TBC1D1: variants seen among roughly 807,000 people sequenced by gnomAD.
TBC1D1 encodes the protein TBC1 domain family member 1.
Under a neutral mutation model 125.6 loss-of-function variants are expected in TBC1D1, and 89 were observed. The observed-to-expected ratio is 0.71, with a 90% CI of 0.60 to 0.85. TBC1D1 has a LOEUF of 0.85. Ranked by LOEUF, TBC1D1 falls within the 40% of genes least tolerant of loss-of-function variation. TBC1D1 has a pLI of 0.00. For missense variants in TBC1D1, 1,377 were observed against 1,469.2 expected (o/e 0.94, Z 1.03); for synonymous variants, 565 against 564.1 (o/e 1.00, Z -0.02).
intron 2 of TBC1D1, among the ~76,000 whole-genome samples, chr4:37,913,691 C>T (rs974505704): frequency 2.7e-5 from 4 of 150,736 alleles, no homozygotes; most frequent in African/African-American, 7.3e-5. Flanking sequence ...TATCACCCTC[C>T]GATGACCCCA....
chr4:38,051,600 C>T (rs191387467), intron 11 of TBC1D1, among the ~76,000 whole-genome samples: 19 of 152,002 alleles, frequency 1.2e-4, no homozygotes, highest in African/African-American at 4.1e-4. Flanking sequence ...ATCGTGCTAC[C>T]GCACTCCAGC....
chr4:37,959,385 A>G (rs1216446943), intron 2 of TBC1D1, among the ~76,000 whole-genome samples: 1 of 152,190 alleles, frequency 6.6e-6, no homozygotes, highest in Non-Finnish European at 1.5e-5. Flanking sequence ...TGCATTATTC[A>G]TTAAGTAGAA....
intron 12 of TBC1D1, among the ~76,000 whole-genome samples, chr4:38,068,829 G>A (rs1171627548): frequency 6.6e-6 from 1 of 152,194 alleles, no homozygotes; most frequent in Non-Finnish European, 1.5e-5. Context: ...ATCCCAGAAA[G>A]TTCTCTTGGA....
chr4:37,995,824 G>A lies in TBC1D1; in HGVS notation c.418-18685G>A, dbSNP rs548169376. 8.6e-5 allele frequency: 48 copies of A among 558,546 alleles called. No homozygotes were observed. Among genetic ancestry groups the A allele is most frequent in the Non-Finnish European group, 1.5e-4 (41 of 280,488 alleles). The allele number at this position is 558,546 out of a possible 1,614,324, so 34.6% of individuals were successfully genotyped here. On this transcript the variant is annotated intron_variant, in intron 2 of 19. Transcript: ENST00000261439. The surrounding 1 kb of genome is among the most constrained non-coding windows in gnomAD (Gnocchi z 4.3). ...AAATCATTTGCATCCTCAGTCTTGG[G>A]GATCAGGTGCTGGATCCATGTGATC...
intron 2 of TBC1D1, among the ~76,000 whole-genome samples, chr4:37,923,542 G>A (rs1039763300): frequency 1.3e-5 from 2 of 152,116 alleles, no homozygotes; most frequent in Non-Finnish European, 2.9e-5. Flanking sequence ...ATTGGAGCTG[G>A]AAGTCTCCCT....
At chr4:37,926,165 G>A (rs1722070942) in intron 2 of TBC1D1, among the ~76,000 whole-genome samples, 1 of 152,226 alleles carries the variant, frequency 6.6e-6, no homozygotes, top group Non-Finnish European at 1.5e-5. Context: ...TATACAGGAA[G>A]ACCTTTCTAG....
At chr4:38,119,998 C>G (rs1763589274) in intron 17 of TBC1D1, 1 of 985,264 alleles carries the variant, frequency 1.0e-6, no homozygotes, top group Non-Finnish European at 1.2e-6. Context: ...AAGACGTTAA[C>G]AAACAAGCAG....
intron 1 of TBC1D1, among the ~76,000 whole-genome samples, chr4:37,897,975 C>T (rs1019064324): frequency 6.6e-6 from 1 of 152,138 alleles, no homozygotes; most frequent in Non-Finnish European, 1.5e-5. Context: ...TCATGAAATG[C>T]CTGAGCTGTA....
intron 15 of TBC1D1, among the ~76,000 whole-genome samples, chr4:38,106,225 C>G (rs1335994004): frequency 6.6e-6 from 1 of 152,156 alleles, no homozygotes; most frequent in African/African-American, 2.4e-5. Context: ...TCTCATGGGC[C>G]CTCACAACAG....
intron 10 of TBC1D1, among the ~76,000 whole-genome samples, chr4:38,049,281 C>T (rs1276207211): frequency 1.3e-5 from 2 of 152,160 alleles, no homozygotes; most frequent in Non-Finnish European, 2.9e-5. Flanking sequence ...CTCCAGCACT[C>T]ACACCCCTTA....
chr4:37,941,883 G>A (rs1209399484), intron 2 of TBC1D1, among the ~76,000 whole-genome samples: 1 of 152,234 alleles, frequency 6.6e-6, no homozygotes, highest in Non-Finnish European at 1.5e-5. Context: ...ACTGTGGTCA[G>A]AGAGACAGTT....
intron 6 of TBC1D1, among the ~76,000 whole-genome samples, chr4:38,024,022 G>A (rs1364229046): frequency 1.3e-5 from 2 of 152,064 alleles, no homozygotes; most frequent in Non-Finnish European, 2.9e-5. Context: ...GAAAGCCATC[G>A]AGATAGATGT....
intron 2 of TBC1D1, among the ~76,000 whole-genome samples, chr4:37,997,319 T>G (rs1560590430): frequency 6.6e-6 from 1 of 152,258 alleles, no homozygotes; most frequent in Non-Finnish European, 1.5e-5. Context: ...GTTTTTGGTT[T>G]CTGGGGTTTA....
At chr4:38,122,103 G>C (rs753630688) in intron 17 of TBC1D1, among the ~76,000 whole-genome samples, 2 of 152,174 alleles carry the variant, frequency 1.3e-5, no homozygotes, top group African/African-American at 2.4e-5. Context: ...GCTTTGAATG[G>C]GAGGAGTGGT....
rs570326440 is a variant in TBC1D1, at chr4:38,069,311, A to G, written c.2050+14973A>G. Among the ~76,000 whole-genome samples the G allele has an allele frequency of 3.3e-5, 5 of 152,270 alleles. No homozygotes were observed. The South Asian group carries it at 8.3e-4, about 25-fold the overall frequency. ...CTTCTCGCCTGTTTAATCAGGTTTC[A>G]GCTCCTTGTGAGAGGAAGTTGTTTT... On this transcript the variant is annotated intron_variant, in intron 12 of 19. Transcript: ENST00000261439.
At chr4:38,085,277 T>A (rs1757296874) in intron 12 of TBC1D1, among the ~76,000 whole-genome samples, 1 of 152,208 alleles carries the variant, frequency 6.6e-6, no homozygotes, top group Non-Finnish European at 1.5e-5. Flanking sequence ...ATGACTGGTT[T>A]TAAAATTCTT....
At chr4:38,013,077 G>T (rs753349600) in intron 2 of TBC1D1, among the ~76,000 whole-genome samples, 1 of 152,362 alleles carries the variant, frequency 6.6e-6, no homozygotes, top group East Asian at 1.9e-4. Flanking sequence ...ACAGGCATGA[G>T]CCACTGCGCC....
chr4:37,945,272 G>A lies in TBC1D1; in HGVS notation c.417+42760G>A, dbSNP rs968413385. 9.2e-5 allele frequency among the ~76,000 whole-genome samples: 14 copies of A among 151,784 alleles called. No homozygotes were observed. The East Asian group carries it at 1.5e-3, about 17-fold the overall frequency. ...CTCATGCCTGTAATCTCAGCACTTC[G>A]GGAGGCTGAGGCGGGCAGATCACCT... On this transcript the variant is annotated intron_variant, in intron 2 of 19. Transcript: ENST00000261439.
intron 12 of TBC1D1, among the ~76,000 whole-genome samples, chr4:38,064,976 G>T (rs1753443171): frequency 6.6e-6 from 1 of 151,632 alleles, no homozygotes; most frequent in African/African-American, 2.4e-5. Flanking sequence ...TGTCACCCAG[G>T]CTGGAGTGCA....
Sources: allele counts gnomAD v4.1 joint callset (sites outside exome capture counted in the v4.1 genomes callset), GRCh38; gene constraint gnomAD v4.1.1; non-coding constraint Gnocchi (gnomAD v3.1); transcripts MANE v1.5; gene names NCBI Gene and HGNC (gene_info 2026-07-23, HGNC 2026-07-21).